The following UNC13A variants were observed in gnomAD, a reference collection of about 807,000 sequenced individuals.
UNC13A encodes unc-13 homolog A.
In UNC13A, 61 loss-of-function variants were observed where a neutral mutation model predicts 219.7. The ratio of observed to expected loss-of-function variants is 0.28; its 90% CI spans 0.23 to 0.34. The LOEUF (loss-of-function observed/expected upper bound fraction) is 0.34. Ranked by LOEUF, UNC13A falls within the 10% of genes least tolerant of loss-of-function variation. UNC13A has a pLI of 1.00. For synonymous variants in UNC13A, 920 were observed against 884.6 expected (o/e 1.04, Z -0.71); for missense variants, 1,476 against 2,270.3 (o/e 0.65, Z 7.11).
At chr19:17,622,467 A>G (rs1232968216) in intron 36 of UNC13A, 2 of 152,640 alleles carry the variant, frequency 1.3e-5, no homozygotes, top group Non-Finnish European at 2.9e-5. Flanking sequence ...CTGCCTACAA[A>G]TGCATTGCCT....
intron 42 of UNC13A, among the ~76,000 whole-genome samples, chr19:17,611,116 G>A (rs780903082): frequency 6.6e-6 from 1 of 152,174 alleles, no homozygotes; most frequent in Non-Finnish European, 1.5e-5. Flanking sequence ...CCAACACTGC[G>A]AAGCCTCCAT....
At chr19:17,670,077 G>C (rs866609783) in intron 4 of UNC13A, among the ~76,000 whole-genome samples, 1 of 151,204 alleles carries the variant, frequency 6.6e-6, no homozygotes, top group Non-Finnish European at 1.5e-5. Flanking sequence ...TTCCCGAGTA[G>C]CTGGGACTAC....
chr19:17,643,739 C>T (rs577326642), intron 19 of UNC13A, among the ~76,000 whole-genome samples: 5 of 152,244 alleles, frequency 3.3e-5, no homozygotes, highest in African/African-American at 1.2e-4. Context: ...GATCCCAGAC[C>T]TTGCTTCTTC....
At position 17,634,888 on chromosome 19, in the gene UNC13A, T is replaced by C. The variant is rs144915035; in HGVS notation, c.3215+1136A>G. Among the ~76,000 whole-genome samples the C allele has an allele frequency of 7.9e-3, 1,201 of 151,960 alleles. 21 individuals are homozygous for C. The highest frequency in any genetic ancestry group is 0.028 in the African/African-American group (1,148 of 41,430). On this transcript the variant is annotated intron_variant, in intron 26 of 43. Transcript: ENST00000519716. ...TTTTGTTTTGTTTTTTCTGTTTTTT[T>C]TGAGACGGAGTCTCACTCTGTTGCC...
intron 20 of UNC13A, among the ~76,000 whole-genome samples, chr19:17,642,480 C>A (rs1481194940): frequency 1.3e-5 from 2 of 152,196 alleles, no homozygotes; most frequent in Non-Finnish European, 2.9e-5. Flanking sequence ...CATTCATTCA[C>A]CAGCATTTAT....
intron 1 of UNC13A, among the ~76,000 whole-genome samples, chr19:17,681,831 G>A (rs2080024511): frequency 6.6e-6 from 1 of 152,156 alleles, no homozygotes; most frequent in Admixed American, 6.6e-5. Flanking sequence ...AGTGGCCCTG[G>A]GGGACCCCTC....
At chr19:17,624,730 T>C in intron 35 of UNC13A, 99 bp downstream of exon 35, 1 of 1,460,080 alleles carries the variant, frequency 6.8e-7, no homozygotes, top group East Asian at 2.4e-5. Context: ...TGAGACCGGA[T>C]GCCTTTGTTC....
chr19:17,619,099 C>T, intron 38 of UNC13A, 137 bp from the exon 39 acceptor site: 1 of 784,286 alleles, frequency 1.3e-6, no homozygotes, highest in Admixed American at 2.3e-5. Flanking sequence ...GTCTGGAATT[C>T]CCCAGGAAGA....
chr19:17,649,163 T>G lies in UNC13A; in HGVS notation c.1524+176A>C, dbSNP rs2079298340. ...CAAAGAATTAGGAGGTGACAGAGGC[T>G]TTGAGTTAGAAGGGACCCTGGAAAG... On this transcript the variant is annotated intron_variant, in intron 14 of 43. Coordinates refer to ENST00000519716, the MANE Select transcript of UNC13A (RefSeq NM_001080421.3). This position sits in a 1 kb window ranked among gnomAD's most constrained non-coding sequence, Gnocchi z 4.4. 6.6e-6 allele frequency among the ~76,000 whole-genome samples: 1 copy of G among 151,984 alleles called. No individual in the cohort carries two copies. Among genetic ancestry groups the G allele is most frequent in the African/African-American group, 2.4e-5 (1 of 41,362 alleles).
Position 17,605,758 on chromosome 19 carries a change from G to C in UNC13A, c.*296C>G. On this transcript the variant is annotated 3_prime_UTR_variant, in exon 44 of 44. Coordinates refer to ENST00000519716, the MANE Select transcript of UNC13A (RefSeq NM_001080421.3). Reference sequence around the variant, plus strand: ...GATGTGGCCTCCTCCATAGGGACGAGGTTTCCCCCATCCCAGCTCAAAATG... The same window carrying C: ...GATGTGGCCTCCTCCATAGGGACGACGTTTCCCCCATCCCAGCTCAAAATG... The C allele has an allele frequency of 2.7e-6, 1 of 366,586 alleles. No individual in the cohort carries two copies. The highest frequency in any genetic ancestry group is 4.9e-6 in the Non-Finnish European group (1 of 205,828). The allele number at this position is 366,586 out of a possible 1,614,324, so 22.7% of individuals were successfully genotyped here.
intron 8 of UNC13A, 83 bp from the exon 9 acceptor site, chr19:17,658,352 G>A (rs1452075738): frequency 5.0e-6 from 7 of 1,386,840 alleles, no homozygotes; most frequent in South Asian, 1.2e-5. Flanking sequence ...CCAGACTTAC[G>A]GTGCCGCTAC....
At position 17,632,874 on chromosome 19, in the gene UNC13A, G is replaced by A. The variant is rs1358834516; in HGVS notation, c.3336C>T (p.Asp1112=). Residue 1112 remains aspartate (D), a synonymous_variant, in exon 28 of 44, where the codon GAC becomes GAT. Transcript: ENST00000519716. ...HDKHRLCKSA[D]YMNLHFKVKW... ...TCACCTTGAAGTGGAGGTTCATGTA[G>A]TCGGCACTCTTGCATAGACGATGCT... 1.2e-6 allele frequency: 2 copies of A among 1,614,014 alleles called. No individual in the cohort carries two copies. Among genetic ancestry groups the A allele is most frequent in the African/African-American group, 1.3e-5 (1 of 75,038 alleles).
At chr19:17,657,784 G>A (rs1432026404) in intron 9 of UNC13A, among the ~76,000 whole-genome samples, 5 of 151,648 alleles carry the variant, frequency 3.3e-5, no homozygotes, top group East Asian at 1.9e-4. Flanking sequence ...CAGGAGAATC[G>A]CTTGAGTCTG....
In UNC13A at chr19:17,669,907, CT is replaced by C. The variant is rs1260910628; in HGVS notation, c.271-232del. Among the ~76,000 whole-genome samples, 5 of 136,150 alleles carry C rather than the reference CT, an allele frequency of 3.7e-5. No individual in the cohort carries two copies. In the East Asian group the frequency reaches 9.6e-4, roughly 26 times the overall value. The allele number at this position is 136,150 out of a possible 152,430, so 89.3% of individuals were successfully genotyped here. Reference sequence around the variant, plus strand: ...CCTCCCTTCCTTCCTTTATTCCTTTCTTTTCCTTCCTTCCTTTCTCTCTCTT... The same window carrying C: ...CCTCCCTTCCTTCCTTTATTCCTTTCTTTCCTTCCTTCCTTTCTCTCTCTT... On this transcript the variant is annotated intron_variant, in intron 4 of 43. Transcript: ENST00000519716.
chr19:17,640,228 G>A lies in UNC13A; in HGVS notation c.2787+283C>T, dbSNP rs533562602. On this transcript the variant is annotated intron_variant, in intron 22 of 43. Transcript: ENST00000519716. ...TTTCTTTTGGATTTTTAGAAGAGAC[G>A]GGTTTTCACCGTGTTGGCCAGGCTG... 3.9e-4 allele frequency among the ~76,000 whole-genome samples: 60 copies of A among 152,182 alleles called. 1 individual carries two copies. Among genetic ancestry groups the A allele is most frequent in the African/African-American group, 1.4e-3 (57 of 41,534 alleles).
intron 38 of UNC13A, among the ~76,000 whole-genome samples, chr19:17,620,421 G>C (rs1347913759): frequency 3.3e-5 from 5 of 152,088 alleles, no homozygotes; most frequent in East Asian, 3.9e-4. Context: ...GTTACTCAGG[G>C]GTCCAGCGGA....
rs537740116 is a variant in UNC13A, at chr19:17,667,840, T to C, written c.468+277A>G. Among the ~76,000 whole-genome samples, 109 of 148,304 alleles carry C rather than the reference T, an allele frequency of 7.3e-4. 1 individual carries two copies. Among genetic ancestry groups the C allele is most frequent in the Admixed American group, 4.1e-3 (61 of 14,734 alleles). On this transcript the variant is annotated intron_variant, in intron 6 of 43. Coordinates refer to ENST00000519716, the MANE Select transcript of UNC13A (RefSeq NM_001080421.3). ...TTCACTGTGTTGACCAGGCTGGTCT[T>C]GAACTCCTGACCTCAGGTGATCTGC...
chr19:17,672,096 CT>C (rs1297933637), intron 4 of UNC13A, among the ~76,000 whole-genome samples: 2 of 152,136 alleles, frequency 1.3e-5, no homozygotes, highest in Admixed American at 6.6e-5. Flanking sequence ...AACCACCCCC[CT>C]CCCCCACCAC....
intron 8 of UNC13A, 114 bp from the exon 9 acceptor site, chr19:17,658,383 T>C: frequency 1.0e-6 from 1 of 967,604 alleles, no homozygotes; most frequent in South Asian, 1.5e-5. Flanking sequence ...AATTTTTTAC[T>C]AGTATGGATA....
Sources: allele counts gnomAD v4.1 joint callset (sites outside exome capture counted in the v4.1 genomes callset), GRCh38; gene constraint gnomAD v4.1.1; non-coding constraint Gnocchi (gnomAD v3.1); transcripts MANE v1.5; gene names NCBI Gene and HGNC (gene_info 2026-07-23, HGNC 2026-07-21).